Variants in FAM227B observed in about 807,000 individuals in gnomAD.
FAM227B encodes the protein family with sequence similarity 227 member B, also known as protein FAM227B.
FAM227B carries 88 observed loss-of-function variants against 73.8 expected under a neutral mutation model. The ratio of observed to expected loss-of-function variants is 1.19; its 90% CI spans 1.00 to 1.42. FAM227B has a LOEUF of 1.42. Among genes scored for constraint, FAM227B ranks in the 40% most tolerant of loss-of-function variants. The probability of loss-of-function intolerance (pLI) is 0.00; values close to 1 mark genes in which losing one functional copy is unlikely to be tolerated. For missense variants in FAM227B, 632 were observed against 590.9 expected, an observed-to-expected ratio of 1.07 and a Z score of -0.72; for synonymous variants, 210 against 190.5, an observed-to-expected ratio of 1.10 and a Z score of -0.84.
At chr15:49,416,780 C>T (rs974760132) in intron 11 of FAM227B, among the ~76,000 whole-genome samples, 3 of 81,758 alleles carry the variant, frequency 3.7e-5, no homozygotes, top group African/African-American at 8.8e-5. Flanking sequence ...TAGACACACA[C>T]ACACACACAC....
intron 13 of FAM227B, among the ~76,000 whole-genome samples, chr15:49,361,434 T>G (rs1294325232): frequency 6.6e-6 from 1 of 152,114 alleles, no homozygotes; most frequent in Non-Finnish European, 1.5e-5. Flanking sequence ...GTGTCTGTTA[T>G]TCCCTTCTTT....
At chr15:49,555,554 T>C (rs1459149399) in intron 9 of FAM227B, among the ~76,000 whole-genome samples, 1 of 152,228 alleles carries the variant, frequency 6.6e-6, no homozygotes, top group African/African-American at 2.4e-5. Context: ...TATAGTATTT[T>C]GCAGTTCTTC....
intron 11 of FAM227B, among the ~76,000 whole-genome samples, chr15:49,408,157 A>C (rs2048645001): frequency 6.6e-6 from 1 of 152,200 alleles, no homozygotes; most frequent in Non-Finnish European, 1.5e-5. Flanking sequence ...TCTTATTTGC[A>C]AGAAAACGTT....
intron 11 of FAM227B, among the ~76,000 whole-genome samples, chr15:49,376,258 A>C (rs1237574662): frequency 3.9e-5 from 6 of 152,062 alleles, no homozygotes; most frequent in Admixed American, 3.9e-4. Context: ...ATTTTTAGCT[A>C]TTATATTTAA....
chr15:49,577,055 G>T, intron 6 of FAM227B: 1 of 438,130 alleles, frequency 2.3e-6, no homozygotes, highest in Non-Finnish European at 4.0e-6. Flanking sequence ...CCACCACACT[G>T]GGAGGCTGAA....
intron 3 of FAM227B, among the ~76,000 whole-genome samples, chr15:49,610,082 T>TACTTAA (rs2077788954): frequency 6.6e-6 from 1 of 152,022 alleles, no homozygotes; most frequent in African/African-American, 2.4e-5. Flanking sequence ...ATTTGATTGG[T>TACTTAA]ATCATTCTCA....
At chr15:49,561,736 C>T (rs938919233) in intron 9 of FAM227B, among the ~76,000 whole-genome samples, 1 of 152,108 alleles carries the variant, frequency 6.6e-6, no homozygotes, top group African/African-American at 2.4e-5. Context: ...ACACAACTTG[C>T]TCCTAAATAG....
At position 49,327,720 on chromosome 15, in the gene FAM227B, C is replaced by G; in HGVS notation, c.*848G>C. ...CATGAAATGGGAGGAGTACTGTTGA[C>G]TTACCACTTGGAGTCAAAACCAGGG... On this transcript the variant is annotated 3_prime_UTR_variant, in exon 16 of 16. Coordinates refer to ENST00000299338, the MANE Select transcript of FAM227B (RefSeq NM_152647.3). 2.6e-6 allele frequency: 1 copy of G among 390,582 alleles called. No individual in the cohort carries two copies. Among genetic ancestry groups the G allele is most frequent in the South Asian group, 5.8e-5 (1 of 17,314 alleles). The allele number at this position is 390,582 out of a possible 1,614,324, so 24.2% of individuals were successfully genotyped here. A position where few individuals can be genotyped will look rare whatever the true frequency, so the allele number is the denominator to read the frequency against.
chr15:49,559,922 C>T (rs1470220219), intron 9 of FAM227B, among the ~76,000 whole-genome samples: 1 of 150,016 alleles, frequency 6.7e-6, no homozygotes, highest in East Asian at 2.0e-4. Flanking sequence ...GGTGACAGAG[C>T]GAGACTCCAA....
At chr15:49,479,597 C>CTTTTTTTT (rs1567359064) in intron 11 of FAM227B, among the ~76,000 whole-genome samples, 5 of 102,078 alleles carry the variant, frequency 4.9e-5, no homozygotes, top group Admixed American at 1.1e-4. Context: ...GTTAATACCT[C>CTTTTTTTT]TGTTTTTTTT....
Position 49,331,849 on chromosome 15 carries a change from T to G in FAM227B, c.1350A>C (p.Ile450=), listed in dbSNP as rs1244276455. 1 of 1,599,544 alleles carries G rather than the reference T, an allele frequency of 6.3e-7. No homozygotes were observed. The highest frequency in any genetic ancestry group is 8.6e-7 in the Non-Finnish European group (1 of 1,167,042). The part of the protein sequence containing the change: ...QFARNQKDFR[I]LQAKATKKPH... The stretch of plus-strand genomic sequence containing the variant: ...GTTTCTTGGTAGCCTTTGCTTGGAG[T>G]CTAATCATGGAATAAAGAAAATCAG... Residue 450 remains isoleucine (I), a splice_region_variant and synonymous_variant, in exon 15 of 16, where the codon ATA becomes ATC. Coordinates refer to ENST00000299338, the MANE Select transcript of FAM227B (RefSeq NM_152647.3).
At chr15:49,612,994 C>G (rs1008781325) in intron 2 of FAM227B, among the ~76,000 whole-genome samples, 6 of 151,834 alleles carry the variant, frequency 4.0e-5, no homozygotes, top group African/African-American at 1.5e-4. Flanking sequence ...ATGATGGTTG[C>G]CAGAGGCCGA....
rs1214604258 is a variant in FAM227B at position 49,489,824 on chromosome 15, ATATATATATATATATTT to A, written c.1012+18370_1012+18386del. 1.3e-3 allele frequency among the ~76,000 whole-genome samples: 27 copies of A among 21,436 alleles called. 4 individuals are homozygous for A. Among genetic ancestry groups the A allele is most frequent in the East Asian group, 7.0e-3 (3 of 428 alleles). 14.1% of individuals were successfully genotyped at this position (21,436 alleles called of 152,430 possible). ...TATTTTATATATATATATATATTTT[ATATATATATATATATTT>A]TATATATATATATATATTTTATATA... On this transcript the variant is annotated intron_variant, in intron 11 of 15. Transcript: ENST00000299338.
intron 11 of FAM227B, among the ~76,000 whole-genome samples, chr15:49,408,548 A>G (rs1446819096): frequency 6.6e-6 from 1 of 152,136 alleles, no homozygotes; most frequent in African/African-American, 2.4e-5. Flanking sequence ...GTGAAGATAA[A>G]CTATCTAAAT....
chr15:49,462,407 G>C (rs377572525), intron 11 of FAM227B, among the ~76,000 whole-genome samples: 13 of 152,060 alleles, frequency 8.5e-5, no homozygotes, highest in African/African-American at 3.1e-4. Context: ...TTTTCCCCTT[G>C]TACTCACTAG....
chr15:49,523,283 G>A (rs1233691921), intron 10 of FAM227B, among the ~76,000 whole-genome samples: 1 of 152,136 alleles, frequency 6.6e-6, no homozygotes, highest in Admixed American at 6.5e-5. Flanking sequence ...GGTTGCAGTG[G>A]GAAGTAATTG....
chr15:49,350,874 G>C (rs1018421273), intron 13 of FAM227B, among the ~76,000 whole-genome samples: 1 of 152,202 alleles, frequency 6.6e-6, no homozygotes, highest in Non-Finnish European at 1.5e-5. Flanking sequence ...GTACAAAGGA[G>C]AGACTGCTGA....
intron 10 of FAM227B, among the ~76,000 whole-genome samples, chr15:49,536,644 T>G (rs1210971128): frequency 2.0e-5 from 3 of 151,940 alleles, no homozygotes; most frequent in Non-Finnish European, 2.9e-5. Flanking sequence ...GCATTAAACC[T>G]CTTGATTTAA....
At chr15:49,432,158 C>T (rs960269730) in intron 11 of FAM227B, among the ~76,000 whole-genome samples, 1 of 151,652 alleles carries the variant, frequency 6.6e-6, no homozygotes, top group South Asian at 2.1e-4. Context: ...TAATATTTCC[C>T]ATTTTATCTG....
Sources: allele counts gnomAD v4.1 joint callset (sites outside exome capture counted in the v4.1 genomes callset), GRCh38; gene constraint gnomAD v4.1.1; transcripts MANE v1.5; gene names NCBI Gene and HGNC (gene_info 2026-07-23, HGNC 2026-07-21).